SEPTIN2: variants seen among roughly 807,000 people sequenced by gnomAD.
The protein encoded by SEPTIN2 is septin-2.
SEPTIN2 carries 34 observed loss-of-function variants against 46.5 expected under a neutral mutation model. That is an observed-to-expected ratio of 0.73 (90% CI 0.56 to 0.97). The LOEUF (loss-of-function observed/expected upper bound fraction) is 0.97, where lower values mean the gene tolerates loss of function less well. SEPTIN2 is among the 50% of genes least tolerant of loss of function. SEPTIN2 has a pLI of 0.00. For missense variants in SEPTIN2, 347 were observed against 448.4 expected (o/e 0.77, Z 2.04); for synonymous variants, 175 against 153.4 (o/e 1.14, Z -1.04).
intron 1 of SEPTIN2, among the ~76,000 whole-genome samples, chr2:241,321,882 A>G (rs2077185632): frequency 6.6e-6 from 1 of 151,406 alleles, no homozygotes; most frequent in Non-Finnish European, 1.5e-5. Context: ...CGAGATGCCA[A>G]CTCCTTCTGC....
In SEPTIN2 at chr2:241,346,933, C is replaced by T. The variant is rs111292367; in HGVS notation, c.926+684C>T. On this transcript the variant is annotated intron_variant, in intron 10 of 12. Transcript: ENST00000391971. ...CCAGTGGCCGTTGAAGCAGCAGCTT[C>T]GATCCTCGCAAAGTCCTGCAGCCAT... 2.6e-3 allele frequency among the ~76,000 whole-genome samples: 400 copies of T among 152,290 alleles called. 2 individuals are homozygous for T. The highest frequency in any genetic ancestry group is 9.0e-3 in the African/African-American group (372 of 41,546).
intron 7 of SEPTIN2, among the ~76,000 whole-genome samples, chr2:241,342,775 A>T (rs1319418310): frequency 6.6e-6 from 1 of 151,932 alleles, no homozygotes; most frequent in African/African-American, 2.4e-5. Context: ...TGACCTTGTG[A>T]TCCACCTGCC....
intron 10 of SEPTIN2, among the ~76,000 whole-genome samples, chr2:241,347,823 G>A (rs983538937): frequency 3.3e-5 from 5 of 151,990 alleles, no homozygotes; most frequent in African/African-American, 1.2e-4. Context: ...ACACCAGCCT[G>A]GCCAACGTGG....
At chr2:241,336,166 G>A (rs1258308788) in intron 5 of SEPTIN2, 68 bp downstream of exon 5, 6 of 1,449,422 alleles carry the variant, frequency 4.1e-6, no homozygotes, top group Non-Finnish European at 5.7e-6. Context: ...TATAGATAGT[G>A]TTAATGAGTG....
At position 241,334,655 on chromosome 2, in the gene SEPTIN2, C is replaced by T. The variant is rs1575259999; in HGVS notation, c.131-471C>T. 2.0e-5 allele frequency among the ~76,000 whole-genome samples: 3 copies of T among 152,180 alleles called. No individual in the cohort carries two copies. The South Asian group carries it at 6.2e-4, about 32-fold the overall frequency. ...CATGTGAGCCCACCAGACCACAGGC[C>T]CTGTCCTGCTCACACGTTTCTGCAG... On this transcript the variant is annotated intron_variant, in intron 3 of 12. Transcript: ENST00000391971.
chr2:241,329,995 A>G lies in SEPTIN2; in HGVS notation c.130+3882A>G, dbSNP rs540606079. ...TCATTACGGCCAGCAGATATTTAAG[A>G]ATGTTAGCACAGGTCTTTGAATAAA... On this transcript the variant is annotated intron_variant, in intron 3 of 12. Transcript: ENST00000391971. Among the ~76,000 whole-genome samples the G allele has an allele frequency of 5.9e-5, 9 of 152,368 alleles. No individual in the cohort carries two copies. The South Asian group carries it at 1.9e-3, about 32-fold the overall frequency.
intron 1 of SEPTIN2, chr2:241,316,758 G>A (rs2076359833): frequency 2.4e-6 from 1 of 424,628 alleles, no homozygotes; most frequent in Non-Finnish European, 4.2e-6. Flanking sequence ...TCTCTCCACG[G>A]AAACACACGA....
rs117142854 is a variant in SEPTIN2, at chr2:241,325,774, A to G, written c.10-219A>G. ...ACAAAATGTTAATTTTCAGTCGCAT[A>G]CAACTAAGGAGTTATACTAGATAAG... On this transcript the variant is annotated intron_variant, in intron 2 of 12. Coordinates refer to ENST00000391971, the MANE Select transcript of SEPTIN2 (RefSeq NM_004404.5). 3.3e-4 allele frequency among the ~76,000 whole-genome samples: 50 copies of G among 152,318 alleles called. No homozygotes were observed. In the East Asian group the frequency reaches 9.6e-3, roughly 29 times the overall value.
At position 241,350,164 on chromosome 2, in the gene SEPTIN2, AC is replaced by A; in HGVS notation, c.1078del (p.His360ThrfsTer27). The A allele has an allele frequency of 6.2e-7, 1 of 1,612,620 alleles. No individual in the cohort carries two copies. The highest frequency in any genetic ancestry group is 1.7e-5 in the Admixed American group (1 of 59,910). ...GATGGCGATGGCGGGGCTCTCGGGC[AC>A]CACGTGTAAGGTGATGTGCACATAT... ...GGDGDGGALG[H>X]HV On this transcript the variant is annotated frameshift_variant, in exon 12 of 13. Transcript: ENST00000391971. LOFTEE classifies it high-confidence loss of function.
chr2:241,332,448 A>G (rs749800140), intron 3 of SEPTIN2, among the ~76,000 whole-genome samples: 3 of 152,222 alleles, frequency 2.0e-5, no homozygotes, highest in Non-Finnish European at 4.4e-5. Context: ...GGTCAGGGGA[A>G]TACGCATTGA....
intron 2 of SEPTIN2, 63 bp from the exon 3 acceptor site, chr2:241,325,930 A>T (rs2077892754): frequency 1.3e-6 from 2 of 1,490,912 alleles, no homozygotes; most frequent in Admixed American, 4.1e-5. Context: ...TGTCTAACTG[A>T]TTATATCTTA....
At chr2:241,340,666 C>G (rs1286733955) in intron 7 of SEPTIN2, among the ~76,000 whole-genome samples, 1 of 152,192 alleles carries the variant, frequency 6.6e-6, no homozygotes, top group Non-Finnish European at 1.5e-5. Flanking sequence ...TGCTGTAATT[C>G]TAATCTCTAA....
rs2079735496 is a variant in SEPTIN2 at position 241,335,184 on chromosome 2, C to T, written c.189C>T (p.Tyr63=). ...ACAGCCTATTCCTAACTGATCTGTA[C>T]CCAGAAAGAGTCATACCTGGAGCAG... ...LINSLFLTDL[Y]PERVIPGAAE... The change falls in exon 4 of 13, where the codon TAC becomes TAT. Residue 63 remains tyrosine (Y), a synonymous_variant. Coordinates refer to ENST00000391971, the MANE Select transcript of SEPTIN2 (RefSeq NM_004404.5). 2 of 1,613,534 alleles carry T rather than the reference C, an allele frequency of 1.2e-6. No individual in the cohort carries two copies. The highest frequency in any genetic ancestry group is 1.3e-5 in the African/African-American group (1 of 74,906).
At chr2:241,325,071 T>G (rs773477104) in intron 2 of SEPTIN2, 6 of 138,154 alleles carry the variant, frequency 4.3e-5, no homozygotes, top group Non-Finnish European at 7.9e-5. Context: ...GGAACACAGA[T>G]AAGCAAAAAA....
intron 2 of SEPTIN2, among the ~76,000 whole-genome samples, chr2:241,325,428 A>G (rs527269696): frequency 6.6e-6 from 1 of 152,208 alleles, no homozygotes; most frequent in East Asian, 1.9e-4. Flanking sequence ...TAGATACTCA[A>G]CATCCCACCC....
chr2:241,348,264 A>G (rs2060452416), intron 11 of SEPTIN2, 73 bp downstream of exon 11: 3 of 1,299,244 alleles, frequency 2.3e-6, no homozygotes, highest in Non-Finnish European at 3.3e-6. Flanking sequence ...GTTTTGCACC[A>G]TTGCCCAGGC....
upstream of SEPTIN2, chr2:241,315,632 G>A (rs961726736): frequency 6.6e-6 from 1 of 152,366 alleles, no homozygotes; most frequent in Non-Finnish European, 1.5e-5. Flanking sequence ...GGCGAAACAG[G>A]GACAAGCCGC....
intron 7 of SEPTIN2, 96 bp from the exon 8 acceptor site, chr2:241,342,896 A>G (rs1343390460): frequency 3.0e-6 from 2 of 677,016 alleles, no homozygotes; most frequent in Non-Finnish European, 5.2e-6. Context: ...TGACATTTGT[A>G]TGATTTCCAA....
chr2:241,318,056 A>C (rs184005895), intron 1 of SEPTIN2, among the ~76,000 whole-genome samples: 40 of 151,696 alleles, frequency 2.6e-4, no homozygotes, highest in African/African-American at 9.0e-4. Context: ...TTCCTCTTTC[A>C]CCTTCCATTT....
Sources: gnomAD v4.1 joint callset for allele counts (sites outside exome capture counted in the v4.1 genomes callset) on GRCh38, gnomAD v4.1.1 for gene constraint, MANE v1.5 for transcripts, NCBI Gene and HGNC (gene_info 2026-07-23, HGNC 2026-07-21) for gene names.